Variants in ULK2 observed in about 807,000 individuals in gnomAD.
ULK2 encodes the protein unc-51 like autophagy activating kinase 2.
A neutral mutation model predicts 127.5 loss-of-function variants in ULK2; 76 were observed. The observed-to-expected ratio is 0.60, with a 90% CI of 0.50 to 0.72. The LOEUF is 0.72. Among genes scored for constraint, ULK2 ranks in the 30% least tolerant of loss-of-function variants. ULK2 has a pLI of 0.00. For synonymous variants in ULK2, 452 were observed against 461.9 expected, an observed-to-expected ratio of 0.98 and a Z score of 0.28; for missense variants, 1,144 against 1,295.9, an observed-to-expected ratio of 0.88 and a Z score of 1.80.
chr17:19,865,067 T>TA (rs1567734691), intron 2 of ULK2, among the ~76,000 whole-genome samples: 1 of 151,080 alleles, frequency 6.6e-6, no homozygotes, highest in South Asian at 2.1e-4. Flanking sequence ...CTACAATTCT[T>TA]AAAAAAGAGC....
chr17:19,778,536 T>C (rs139665261), intron 25 of ULK2, among the ~76,000 whole-genome samples: 37 of 152,372 alleles, frequency 2.4e-4, no homozygotes, highest in Non-Finnish European at 4.9e-4. Flanking sequence ...CTTTGATCAT[T>C]AAGTACCAGA....
At chr17:19,867,245 G>A in intron 1 of ULK2, 83 bp downstream of exon 1, 1 of 1,161,252 alleles carries the variant, frequency 8.6e-7, no homozygotes, top group South Asian at 1.7e-5. Flanking sequence ...CGGGGGTCTC[G>A]GCTCGCGGCT....
At chr17:19,815,039 T>C (rs897182323) in intron 13 of ULK2, among the ~76,000 whole-genome samples, 1 of 152,198 alleles carries the variant, frequency 6.6e-6, no homozygotes, top group African/African-American at 2.4e-5. Context: ...AGCATTTCCA[T>C]TGGGCATCAT....
chr17:19,787,575 T>C (rs2087061487), intron 20 of ULK2, among the ~76,000 whole-genome samples: 1 of 152,208 alleles, frequency 6.6e-6, no homozygotes, highest in Non-Finnish European at 1.5e-5. Flanking sequence ...CCAGAAATGA[T>C]AAGTAAGAAA....
chr17:19,836,105 A>G (rs1180017391), intron 10 of ULK2, among the ~76,000 whole-genome samples: 10 of 120,936 alleles, frequency 8.3e-5, no homozygotes, highest in Non-Finnish European at 1.2e-4. Context: ...CATCTCTACT[A>G]AAAAAAAAAA....
At chr17:19,793,422 A>T (rs1028326656) in intron 20 of ULK2, among the ~76,000 whole-genome samples, 1 of 152,232 alleles carries the variant, frequency 6.6e-6, no homozygotes, top group Non-Finnish European at 1.5e-5. Flanking sequence ...ATAGTCTTCA[A>T]TGGTGCTGCG....
chr17:19,838,110 G>A (rs2041642076), intron 10 of ULK2, among the ~76,000 whole-genome samples: 1 of 152,092 alleles, frequency 6.6e-6, no homozygotes, highest in Non-Finnish European at 1.5e-5. Context: ...CTCATTTCAA[G>A]TCAAGTCTTT....
chr17:19,866,909 C>T (rs923778106), intron 1 of ULK2, among the ~76,000 whole-genome samples: 1 of 152,160 alleles, frequency 6.6e-6, no homozygotes, highest in East Asian at 1.9e-4. Context: ...AATGGGACAT[C>T]CGCCCATTTT....
chr17:19,836,707 C>T (rs2041606491), intron 10 of ULK2, among the ~76,000 whole-genome samples: 1 of 151,528 alleles, frequency 6.6e-6, no homozygotes, highest in Non-Finnish European at 1.5e-5. Flanking sequence ...GAGTTCAAGA[C>T]CAGCCTGGAC....
intron 20 of ULK2, among the ~76,000 whole-genome samples, chr17:19,789,931 A>T (rs2087115656): frequency 6.6e-6 from 1 of 151,726 alleles, no homozygotes; most frequent in East Asian, 1.9e-4. Flanking sequence ...AAAAACAAAA[A>T]CTAAGGGTTA....
chr17:19,777,710 A>G lies in ULK2; in HGVS notation c.2923T>C (p.Ser975Pro). ...IYNCAVEMVQ[S>P]AALDEMFQQT... ...TGAAACATCTCATCCAGGGCTGCAG[A>G]CTGAACCTGGAACCAGTCAACAAAA... is the stretch of plus-strand genomic sequence containing the variant. The change falls in exon 26 of 27, where the codon TCT (serine) becomes CCT (proline). Residue 975 changes from serine (S) to proline (P), a missense_variant. Physicochemically the swap from Ser to Pro is moderately conservative, Grantham distance 74 (BLOSUM62 -1). Coordinates refer to ENST00000395544, the MANE Select transcript of ULK2 (RefSeq NM_014683.4). 1 of 1,607,730 alleles carries G rather than the reference A, an allele frequency of 6.2e-7. No homozygotes were observed. The highest frequency in any genetic ancestry group is 8.5e-7 in the Non-Finnish European group (1 of 1,178,308).
chr17:19,839,964 T>TACACACACAC (rs60058833), intron 9 of ULK2, among the ~76,000 whole-genome samples: 1 of 147,594 alleles, frequency 6.8e-6, no homozygotes, highest in African/African-American at 2.5e-5. Context: ...TACACACACA[T>TACACACACAC]ACACACACAC....
intron 16 of ULK2, 73 bp from the exon 17 acceptor site, chr17:19,799,648 G>A: frequency 2.9e-6 from 4 of 1,386,446 alleles, no homozygotes; most frequent in Non-Finnish European, 3.8e-6. Context: ...ATGGCAACAG[G>A]CAACACATGC....
intron 3 of ULK2, among the ~76,000 whole-genome samples, chr17:19,853,264 T>C (rs1399824319): frequency 6.6e-6 from 1 of 150,932 alleles, no homozygotes; most frequent in Non-Finnish European, 1.5e-5. Flanking sequence ...CACCCCCGAG[T>C]AGCTAGGACC....
intron 10 of ULK2, among the ~76,000 whole-genome samples, chr17:19,826,840 C>T (rs2041309251): frequency 1.3e-5 from 2 of 152,026 alleles, no homozygotes; most frequent in South Asian, 4.1e-4. Flanking sequence ...GCCTGTAGTC[C>T]CAGCTACTCG....
intron 12 of ULK2, among the ~76,000 whole-genome samples, chr17:19,820,151 C>T (rs904392124): frequency 5.3e-5 from 8 of 151,390 alleles, no homozygotes; most frequent in Admixed American, 2.6e-4. Flanking sequence ...CGGGTTCAAG[C>T]GATTCTCCTG....
chr17:19,866,724 A>C (rs2042358386), intron 1 of ULK2, among the ~76,000 whole-genome samples: 1 of 152,162 alleles, frequency 6.6e-6, no homozygotes, highest in African/African-American at 2.4e-5. Context: ...AATTTTTTTA[A>C]GGCTTAAAGG....
chr17:19,817,389 C>T (rs2041017871), intron 12 of ULK2, among the ~76,000 whole-genome samples: 1 of 152,128 alleles, frequency 6.6e-6, no homozygotes, highest in Non-Finnish European at 1.5e-5. Context: ...ACCAAGAGAC[C>T]ACATTATGTA....
At chr17:19,854,001 T>C (rs2042073089) in intron 3 of ULK2, among the ~76,000 whole-genome samples, 1 of 152,060 alleles carries the variant, frequency 6.6e-6, no homozygotes, top group Non-Finnish European at 1.5e-5. Context: ...AAATACAACA[T>C]ATGAAAGCCA....
Sources: gnomAD v4.1 joint callset for allele counts (sites outside exome capture counted in the v4.1 genomes callset) on GRCh38, gnomAD v4.1.1 for gene constraint, MANE v1.5 for transcripts, NCBI Gene and HGNC (gene_info 2026-07-23, HGNC 2026-07-21) for gene names.